PRKN: variants seen among roughly 807,000 people sequenced by gnomAD.
The protein encoded by PRKN is parkin RBR E3 ubiquitin protein ligase, also known as E3 ubiquitin-protein ligase parkin.
In PRKN, 56 loss-of-function variants were observed where a neutral mutation model predicts 59.5. The ratio of observed to expected loss-of-function variants is 0.94; its 90% CI spans 0.76 to 1.18. The LOEUF (loss-of-function observed/expected upper bound fraction) is 1.18, where lower values mean the gene tolerates loss of function less well. Ranked by LOEUF, PRKN falls within the 50% of genes most tolerant of loss-of-function variation. The probability of loss-of-function intolerance (pLI) is 0.00; values close to 1 mark genes in which losing one functional copy is unlikely to be tolerated. For missense variants in PRKN, 657 were observed against 596.4 expected (o/e 1.10, Z -1.06); for synonymous variants, 250 against 222.1 (o/e 1.13, Z -1.12).
intron 8 of PRKN, 141 bp downstream of exon 8, chr6:161,569,214 A>G (rs1048328422): frequency 2.7e-6 from 2 of 739,508 alleles, no homozygotes; most frequent in Non-Finnish European, 4.9e-6. Context: ...GTCCTCACAC[A>G]TATCTCCAGC....
chr6:162,390,998 T>G (rs909409986), intron 2 of PRKN, among the ~76,000 whole-genome samples: 3 of 152,198 alleles, frequency 2.0e-5, no homozygotes, highest in African/African-American at 7.2e-5. Context: ...ATGCTGAATT[T>G]TCTTTAGTCC....
In PRKN at chr6:162,531,940, CAA is replaced by C. The variant is rs35097200; in HGVS notation, c.8-88469_8-88468del. On this transcript the variant is annotated intron_variant, in intron 1 of 11. Coordinates refer to ENST00000366898, the MANE Select transcript of PRKN (RefSeq NM_004562.3). ...GGGCAACACAGCCAGACTCTGACTC[CAA>C]AAAAAAAAAAAAAAAATGTAACAAA... 5.0e-4 allele frequency among the ~76,000 whole-genome samples: 53 copies of C among 106,464 alleles called. No individual in the cohort carries two copies. In the South Asian group the frequency reaches 7.4e-3, roughly 15 times the overall value. The allele number at this position is 106,464 out of a possible 152,430, so 69.8% of individuals were successfully genotyped here.
intron 9 of PRKN, among the ~76,000 whole-genome samples, chr6:161,435,169 T>C (rs1788823407): frequency 6.6e-6 from 1 of 152,132 alleles, no homozygotes; most frequent in Non-Finnish European, 1.5e-5. Flanking sequence ...GAAGGTAAAT[T>C]GGGTGGAATT....
chr6:161,929,807 C>T (rs1779106158), intron 6 of PRKN, among the ~76,000 whole-genome samples: 1 of 152,120 alleles, frequency 6.6e-6, no homozygotes, highest in Non-Finnish European at 1.5e-5. Context: ...GCCACCATGC[C>T]TGGTCTCACG....
chr6:162,557,120 G>A (rs1779639853), intron 1 of PRKN, among the ~76,000 whole-genome samples: 1 of 152,216 alleles, frequency 6.6e-6, no homozygotes, highest in Admixed American at 6.5e-5. Context: ...ACAGAAAGCT[G>A]AACAATTCCT....
At chr6:161,602,146 G>A (rs946676345) in intron 7 of PRKN, among the ~76,000 whole-genome samples, 1 of 120,122 alleles carries the variant, frequency 8.3e-6, no homozygotes, top group African/African-American at 4.0e-5. Context: ...TTTGCCTATC[G>A]ATTTACCTAC....
At position 162,710,949 on chromosome 6, in the gene PRKN, T is replaced by C. The variant is rs559479012; in HGVS notation, c.7+16713A>G. Among the ~76,000 whole-genome samples, 32 of 152,236 alleles carry C rather than the reference T, an allele frequency of 2.1e-4. 1 individual carries two copies. Among genetic ancestry groups the C allele is most frequent in the Admixed American group, 1.4e-3 (21 of 15,292 alleles). On this transcript the variant is annotated intron_variant, in intron 1 of 11. Transcript: ENST00000366898. ...ATCCAGCCCTAGCATCACCCAGTAT[T>C]AAATGAAAATAATGGCAGCTACTTC...
At chr6:162,153,536 G>T (rs916043159) in intron 4 of PRKN, among the ~76,000 whole-genome samples, 1 of 152,168 alleles carries the variant, frequency 6.6e-6, no homozygotes, top group Non-Finnish European at 1.5e-5. Flanking sequence ...GGGCAAAGGG[G>T]CATTATAACA....
At chr6:162,616,560 G>T (rs1782429929) in intron 1 of PRKN, among the ~76,000 whole-genome samples, 1 of 152,056 alleles carries the variant, frequency 6.6e-6, no homozygotes, top group Admixed American at 6.6e-5. Flanking sequence ...TCACTACACA[G>T]TTTTTACACT....
chr6:161,734,565 T>C lies in PRKN; in HGVS notation c.871+51207A>G, dbSNP rs1211044579. ...TGGAAACTGAGGGGTAATACATTTGTGTTAAGTGTGTGGTAATTTGTTGAG... is the reference window on the plus strand; with the variant it reads ...TGGAAACTGAGGGGTAATACATTTGCGTTAAGTGTGTGGTAATTTGTTGAG... On this transcript the variant is annotated intron_variant, in intron 7 of 11. Transcript: ENST00000366898. Among the ~76,000 whole-genome samples the C allele has an allele frequency of 2.0e-5, 3 of 152,296 alleles. No homozygotes were observed. The South Asian group carries it at 6.2e-4, about 32-fold the overall frequency.
intron 2 of PRKN, among the ~76,000 whole-genome samples, chr6:162,363,134 A>AC (rs1379199657): frequency 6.6e-5 from 9 of 136,114 alleles, no homozygotes; most frequent in Admixed American, 1.4e-4. Flanking sequence ...TCTCAAACAA[A>AC]AAAAAAAAAA....
intron 2 of PRKN, among the ~76,000 whole-genome samples, chr6:162,436,720 A>G (rs894355018): frequency 2.5e-5 from 3 of 120,282 alleles, no homozygotes; most frequent in African/African-American, 1.2e-4. Flanking sequence ...CTTAGTTTAA[A>G]TATTTGGTAA....
chr6:162,124,893 T>C (rs1215374847), intron 4 of PRKN, among the ~76,000 whole-genome samples: 1 of 152,070 alleles, frequency 6.6e-6, no homozygotes, highest in Admixed American at 6.6e-5. Context: ...GGGTTAGTCA[T>C]GGAAGAATGA....
intron 2 of PRKN, among the ~76,000 whole-genome samples, chr6:162,406,094 T>G (rs1335948209): frequency 6.6e-6 from 1 of 152,220 alleles, no homozygotes; most frequent in African/African-American, 2.4e-5. Context: ...TCACTTTGAT[T>G]AATGACAGCT....
chr6:162,018,726 T>C (rs1783022047), intron 5 of PRKN, among the ~76,000 whole-genome samples: 1 of 152,224 alleles, frequency 6.6e-6, no homozygotes, highest in African/African-American at 2.4e-5. Context: ...GATGCTTTTT[T>C]GTCCTCCCAA....
chr6:161,426,676 C>CACACACACACACACACACACATAT (rs11271613), intron 9 of PRKN, among the ~76,000 whole-genome samples: 8 of 142,790 alleles, frequency 5.6e-5, no homozygotes, highest in African/African-American at 2.2e-4. Flanking sequence ...CACACACACA[C>CACACACACACACACACACACATAT]CTCCTATTAG....
At chr6:162,109,300 G>T (rs749738268) in intron 4 of PRKN, among the ~76,000 whole-genome samples, 9 of 152,174 alleles carry the variant, frequency 5.9e-5, no homozygotes, top group Non-Finnish European at 8.8e-5. Context: ...AAGTCGCAAA[G>T]TTGGAAGAAT....
At chr6:161,774,793 T>C (rs754267265) in intron 7 of PRKN, among the ~76,000 whole-genome samples, 1 of 152,130 alleles carries the variant, frequency 6.6e-6, no homozygotes, top group Non-Finnish European at 1.5e-5. Context: ...TACCCTGACT[T>C]TACACCGCCT....
At chr6:162,146,878 G>T (rs1408299838) in intron 4 of PRKN, among the ~76,000 whole-genome samples, 10 of 151,934 alleles carry the variant, frequency 6.6e-5, no homozygotes, top group African/African-American at 2.4e-4. Flanking sequence ...TTACAGGCAT[G>T]GGCCACCACT....
Sources: allele counts gnomAD v4.1 joint callset (sites outside exome capture counted in the v4.1 genomes callset), GRCh38; gene constraint gnomAD v4.1.1; transcripts MANE v1.5; gene names NCBI Gene and HGNC (gene_info 2026-07-23, HGNC 2026-07-21).